Variants in ZNF140 observed in about 807,000 individuals in gnomAD.
The protein encoded by ZNF140 is zinc finger protein 140 (clone pHZ-39).
In ZNF140, 13 loss-of-function variants were observed where a neutral mutation model predicts 12.9. That is an observed-to-expected ratio of 1.01 (90% CI 0.66 to 1.60). The LOEUF is 1.60. Among genes scored for constraint, ZNF140 ranks in the 40% most tolerant of loss-of-function variants. The pLI, the probability that ZNF140 is intolerant of heterozygous loss-of-function variation, is 0.00. For missense variants in ZNF140, 531 were observed against 548.8 expected, an observed-to-expected ratio of 0.97 and a Z score of 0.32; for synonymous variants, 214 against 186.7, an observed-to-expected ratio of 1.15 and a Z score of -1.19.
chr12:133,089,362 C>T (rs1486244929), intron 4 of ZNF140, among the ~76,000 whole-genome samples: 1 of 151,986 alleles, frequency 6.6e-6, no homozygotes, highest in Non-Finnish European at 1.5e-5. Flanking sequence ...TACAGGTGCG[C>T]TCCACCATGC....
intron 4 of ZNF140, among the ~76,000 whole-genome samples, chr12:133,088,126 TA>T (rs112836102): frequency 2.5e-3 from 340 of 137,362 alleles, no homozygotes; most frequent in African/African-American, 3.7e-3. Context: ...AGACTCTGTC[TA>T]AAAAAAAAAA....
chr12:133,106,521 G>A lies in ZNF140; in HGVS notation c.1244G>A (p.Cys415Tyr). The A allele has an allele frequency of 1.2e-6, 2 of 1,614,026 alleles. No individual in the cohort carries two copies. Among genetic ancestry groups the A allele is most frequent in the East Asian group, 2.2e-5 (1 of 44,880 alleles). Residue 415 changes from cysteine to tyrosine, a missense_variant, in exon 5 of 5, where the codon TGT becomes TAT. Transcript: ENST00000355557. Reference protein sequence around the residue: ...RTHTGEKPYVCKVCNKSFSWS... With the variant: ...RTHTGEKPYVYKVCNKSFSWS... Reference sequence around the variant, plus strand: ...CATACTGGAGAGAAACCCTATGTATGTAAGGTATGCAACAAATCCTTCAGC... The same window carrying A: ...CATACTGGAGAGAAACCCTATGTATATAAGGTATGCAACAAATCCTTCAGC...
chr12:133,083,467 T>G lies in ZNF140; in HGVS notation c.138T>G (p.Gly46=). Residue 46 remains glycine (G), a splice_region_variant and synonymous_variant, in exon 4 of 5, where the codon GGT becomes GGG. Transcript: ENST00000355557. ...LENYGHLVSL[G]LSISKPDVVS... Reference sequence around the variant, plus strand: ...ATTTATTTCATTTTCTGCAAGCAGGTCTTTCCATTTCTAAGCCAGATGTGG... The same window carrying G: ...ATTTATTTCATTTTCTGCAAGCAGGGCTTTCCATTTCTAAGCCAGATGTGG... The G allele has an allele frequency of 6.2e-7, 1 of 1,610,558 alleles. No homozygotes were observed. The highest frequency in any genetic ancestry group is 8.5e-7 in the Non-Finnish European group (1 of 1,179,020).
At chr12:133,086,345 G>A (rs1040806606) in intron 4 of ZNF140, among the ~76,000 whole-genome samples, 8 of 152,302 alleles carry the variant, frequency 5.3e-5, no homozygotes, top group Admixed American at 2.6e-4. Flanking sequence ...GTTGGGCATC[G>A]TAATTTTCAT....
chr12:133,105,995 A>G lies in ZNF140; in HGVS notation c.718A>G (p.Thr240Ala), dbSNP rs1955577239. The G allele has an allele frequency of 6.2e-7, 1 of 1,614,146 alleles. No individual in the cohort carries two copies. Among genetic ancestry groups the G allele is most frequent in the Non-Finnish European group, 8.5e-7 (1 of 1,180,034 alleles). ...SFLIEHQRTHTGEKPYECTEC... is the reference protein window; with the variant it reads ...SFLIEHQRTHAGEKPYECTEC... ...TCTTATTGAACACCAGAGAACGCAC[A>G]CTGGGGAGAAACCTTATGAATGTAC... Residue 240 changes from threonine (T) to alanine (A), a missense_variant, in exon 5 of 5, where the codon ACT becomes GCT. By Grantham distance (58) the Thr-to-Ala change is moderately conservative. Coordinates refer to ENST00000355557, the MANE Select transcript of ZNF140 (RefSeq NM_003440.4).
rs867869234 is a variant in ZNF140, at chr12:133,105,886, C to T, written c.609C>T (p.Asn203=). The change falls in exon 5 of 5, where the codon AAC becomes AAT. Residue 203 remains asparagine, a synonymous_variant. Coordinates refer to ENST00000355557, the MANE Select transcript of ZNF140 (RefSeq NM_003440.4). The stretch of plus-strand genomic sequence containing the variant: ...GCAAAACCTTTAGCCAGATTTCAAA[C>T]CTTGTGAAACACCAAATGATACATA... ...ECGKTFSQIS[N]LVKHQMIHTG... 3.1e-6 allele frequency: 5 copies of T among 1,614,114 alleles called. No homozygotes were observed. Among genetic ancestry groups the T allele is most frequent in the South Asian group, 1.1e-5 (1 of 91,076 alleles).
At chr12:133,103,289 A>G (rs55874536) in intron 4 of ZNF140, among the ~76,000 whole-genome samples, 1,956 of 152,250 alleles carry the variant, frequency 0.013, 46 homozygotes, top group African/African-American at 0.044. Flanking sequence ...TAACAATAAC[A>G]TCTTACCTGT....
Position 133,083,561 on chromosome 12 carries a change from GGTGA to G in ZNF140, c.232+7_232+10del. On this transcript the variant is annotated splice_donor_variant and splice_donor_region_variant and intron_variant, in intron 4 of 4. Coordinates refer to ENST00000355557, the MANE Select transcript of ZNF140 (RefSeq NM_003440.4). LOFTEE classifies it high-confidence loss of function. The stretch of plus-strand genomic sequence containing the variant: ...GGAAGTGAAAAGAGATCTGTTTTCA[GGTGA>G]GTGAGTTGGAAGCTGATGGGGAAAT... 1 of 1,613,200 alleles carries G rather than the reference GGTGA, an allele frequency of 6.2e-7. No homozygotes were observed. Among genetic ancestry groups the G allele is most frequent in the Non-Finnish European group, 8.5e-7 (1 of 1,179,692 alleles).
chr12:133,106,575 G>A lies in ZNF140; in HGVS notation c.1298G>A (p.Arg433Lys), dbSNP rs1471316126. 1.2e-6 allele frequency: 2 copies of A among 1,613,574 alleles called. No individual in the cohort carries two copies. The highest frequency in any genetic ancestry group is 1.7e-6 in the Non-Finnish European group (2 of 1,179,942). Reference sequence around the variant, plus strand: ...AGCTCAAACCTTGCTAAACATCAGAGGACACACACTCTTGACAACCCCTAT... The same window carrying A: ...AGCTCAAACCTTGCTAAACATCAGAAGACACACACTCTTGACAACCCCTAT... ...SWSSNLAKHQ[R>K]THTLDNPYEY... Residue 433 changes from arginine to lysine, a missense_variant, in exon 5 of 5, where the codon AGG becomes AAG. Coordinates refer to ENST00000355557, the MANE Select transcript of ZNF140 (RefSeq NM_003440.4).
chr12:133,106,699 G>T lies in ZNF140; in HGVS notation c.*48G>T, dbSNP rs369593698. The stretch of plus-strand genomic sequence containing the variant: ...ATGAATGTATGGAATTTTTTAAAAA[G>T]AAGTATAATGCCTTACTTCAGAGAA... On this transcript the variant is annotated 3_prime_UTR_variant, in exon 5 of 5. Coordinates refer to ENST00000355557, the MANE Select transcript of ZNF140 (RefSeq NM_003440.4). 7 of 1,461,368 alleles carry T rather than the reference G, an allele frequency of 4.8e-6. No individual in the cohort carries two copies. The highest frequency in any genetic ancestry group is 6.4e-6 in the Non-Finnish European group (7 of 1,094,182). 90.5% of individuals were successfully genotyped at this position (1,461,368 alleles called of 1,614,324 possible). A position where few individuals can be genotyped will look rare whatever the true frequency, so the allele number is the denominator to read the frequency against.
In ZNF140 at chr12:133,106,892, T is replaced by G; in HGVS notation, c.*241T>G. The G allele has an allele frequency of 3.0e-6, 1 of 335,226 alleles. No homozygotes were observed. Among genetic ancestry groups the G allele is most frequent in the Non-Finnish European group, 5.4e-6 (1 of 184,068 alleles). The allele number at this position is 335,226 out of a possible 1,614,324, so 20.8% of individuals were successfully genotyped here. On this transcript the variant is annotated 3_prime_UTR_variant, in exon 5 of 5. Coordinates refer to ENST00000355557, the MANE Select transcript of ZNF140 (RefSeq NM_003440.4). ...GGTGAAATCAATATTGTTGAGAAGA[T>G]TCTTCCATCTGGTAATGTTGAGAAG...
intron 4 of ZNF140, among the ~76,000 whole-genome samples, chr12:133,096,646 G>A (rs114576476): frequency 6.6e-6 from 1 of 152,124 alleles, no homozygotes; most frequent in Non-Finnish European, 1.5e-5. Flanking sequence ...TTAGAAGTGT[G>A]TTGTTCAATA....
intron 4 of ZNF140, among the ~76,000 whole-genome samples, chr12:133,102,113 T>G (rs945778311): frequency 2.0e-5 from 3 of 152,202 alleles, no homozygotes; most frequent in South Asian, 2.1e-4. Context: ...AAGCCTGTGC[T>G]TCTGGACTAA....
intron 4 of ZNF140, among the ~76,000 whole-genome samples, chr12:133,087,572 G>T (rs1954715972): frequency 6.6e-6 from 1 of 150,536 alleles, no homozygotes; most frequent in African/African-American, 2.4e-5. Flanking sequence ...TCTATAACTA[G>T]TTGTTATCAA....
At chr12:133,081,941 G>C (rs1323768748) in intron 2 of ZNF140, 1 of 158,804 alleles carries the variant, frequency 6.3e-6, no homozygotes, top group Non-Finnish European at 1.4e-5. Flanking sequence ...CAGAAACTGA[G>C]AATTTGGCCC....
At chr12:133,104,465 C>T (rs1031691969) in intron 4 of ZNF140, among the ~76,000 whole-genome samples, 272 of 151,872 alleles carry the variant, frequency 1.8e-3, no homozygotes, top group African/African-American at 6.2e-3. Context: ...GATTCTCCTG[C>T]CTCAGCCTCC....
chr12:133,082,641 A>G (rs1954541822), intron 2 of ZNF140: 1 of 155,324 alleles, frequency 6.4e-6, no homozygotes, highest in Non-Finnish European at 1.4e-5. Flanking sequence ...ATTAGGGATA[A>G]CTGTGACAAA....
chr12:133,087,131 A>G (rs1954702079), intron 4 of ZNF140, among the ~76,000 whole-genome samples: 1 of 124,994 alleles, frequency 8.0e-6, no homozygotes. Flanking sequence ...AGATCTAATC[A>G]TTACCTGAAC....
At chr12:133,087,594 C>T (rs1273571358) in intron 4 of ZNF140, among the ~76,000 whole-genome samples, 1 of 150,764 alleles carries the variant, frequency 6.6e-6, no homozygotes, top group Non-Finnish European at 1.5e-5. Flanking sequence ...GACTTATAAA[C>T]TCCACTGCAT....
Sources: gnomAD v4.1 joint callset for allele counts (sites outside exome capture counted in the v4.1 genomes callset) on GRCh38, gnomAD v4.1.1 for gene constraint, MANE v1.5 for transcripts, NCBI Gene and HGNC (gene_info 2026-07-23, HGNC 2026-07-21) for gene names.